DOCK9: variants seen among roughly 807,000 people sequenced by gnomAD.
The protein encoded by DOCK9 is dedicator of cytokinesis protein 9.
Under a neutral mutation model 263.3 loss-of-function variants are expected in DOCK9, and 89 were observed. That is an observed-to-expected ratio of 0.34 (90% CI 0.28 to 0.40). The LOEUF (loss-of-function observed/expected upper bound fraction) is 0.40, where lower values mean the gene tolerates loss of function less well. Ranked by LOEUF, DOCK9 falls within the 10% of genes least tolerant of loss-of-function variation. DOCK9 has a pLI of 1.00. For synonymous variants in DOCK9, 976 were observed against 973.1 expected (o/e 1.00, Z -0.06); for missense variants, 2,140 against 2,603.4 (o/e 0.82, Z 3.87).
chr13:98,899,668 C>T (rs2047978157), intron 13 of DOCK9, among the ~76,000 whole-genome samples: 1 of 152,120 alleles, frequency 6.6e-6, no homozygotes, highest in African/African-American at 2.4e-5. Flanking sequence ...TTTTCAGGTT[C>T]AAGATTTTTT....
chr13:99,063,486 C>G (rs1288527368), intron 1 of DOCK9, among the ~76,000 whole-genome samples: 1 of 152,248 alleles, frequency 6.6e-6, no homozygotes, highest in African/African-American at 2.4e-5. Flanking sequence ...GTCATCAGGG[C>G]TCCCTTTGCC....
chr13:99,038,288 CTTTTTTTTTTTTTTTTTTTTT>C (rs71419743), intron 1 of DOCK9, among the ~76,000 whole-genome samples: 1 of 86,264 alleles, frequency 1.2e-5, no homozygotes, highest in Non-Finnish European at 2.2e-5. Flanking sequence ...TTATGCCCCC[CTTTTTTTTTTTTTTTTTTTTT>C]TTTTTTTTTT....
chr13:99,016,577 A>G (rs796361625), intron 1 of DOCK9, among the ~76,000 whole-genome samples: 4 of 152,126 alleles, frequency 2.6e-5, no homozygotes, highest in African/African-American at 9.6e-5. Context: ...AAGTAATCCA[A>G]CTCCTTCTAC....
chr13:98,829,826 C>T lies in DOCK9; in HGVS notation c.4636-70G>A. The stretch of plus-strand genomic sequence containing the variant: ...ACTGCCCAGGCTGGGCTTCTGCGTT[C>T]AGTTAGGATGTGCCTAAGGACCCAG... On this transcript the variant is annotated intron_variant, in intron 41 of 52. Coordinates refer to ENST00000682017, the MANE Select transcript of DOCK9 (RefSeq NM_001366683.2). This position sits in a 1 kb window ranked among gnomAD's most constrained non-coding sequence, Gnocchi z 4.1. 2.9e-6 allele frequency: 4 copies of T among 1,381,290 alleles called. No individual in the cohort carries two copies. Among genetic ancestry groups the T allele is most frequent in the Non-Finnish European group, 4.0e-6 (4 of 994,506 alleles). The allele number at this position is 1,381,290 out of a possible 1,614,324, so 85.6% of individuals were successfully genotyped here.
rs1292431027 is a variant in DOCK9, at chr13:99,008,230, ATATATT to A, written c.130-52685_130-52680del. 5.9e-3 allele frequency among the ~76,000 whole-genome samples: 672 copies of A among 114,382 alleles called. 7 individuals carry two copies. The highest frequency in any genetic ancestry group is 0.016 in the East Asian group (68 of 4,208). The allele number at this position is 114,382 out of a possible 152,430, so 75.0% of individuals were successfully genotyped here. A position where few individuals can be genotyped will look rare whatever the true frequency, so the allele number is the denominator to read the frequency against. ...TCTCTCTCTATATATATATATATAT[ATATATT>A]TTTTTTTTTTTTTGAGACGAAGTCT... On this transcript the variant is annotated intron_variant, in intron 1 of 32. Transcript: ENST00000427887.
At chr13:98,852,980 G>C (rs961002111) in intron 35 of DOCK9, among the ~76,000 whole-genome samples, 1 of 152,194 alleles carries the variant, frequency 6.6e-6, no homozygotes, top group African/African-American at 2.4e-5. Context: ...GGAATGCTTA[G>C]GTCCCCCCAC....
intron 9 of DOCK9, among the ~76,000 whole-genome samples, chr13:98,912,026 C>T (rs536733639): frequency 4.6e-5 from 7 of 151,486 alleles, no homozygotes; most frequent in South Asian, 2.1e-4. Context: ...CCTGCCACCA[C>T]GCCTAGCTAA....
chr13:99,021,395 T>C (rs1415989305), intron 1 of DOCK9, among the ~76,000 whole-genome samples: 1 of 152,066 alleles, frequency 6.6e-6, no homozygotes, highest in Non-Finnish European at 1.5e-5. Flanking sequence ...ATCCCAGCAC[T>C]TTGGGAGGCC....
intron 2 of DOCK9, among the ~76,000 whole-genome samples, chr13:98,955,109 G>A (rs1412042908): frequency 1.3e-5 from 2 of 152,156 alleles, no homozygotes; most frequent in Non-Finnish European, 2.9e-5. Context: ...CTTAAGGCCA[G>A]GAGTTTGGGA....
chr13:98,925,094 G>T (rs561059058), intron 4 of DOCK9, among the ~76,000 whole-genome samples: 1 of 152,258 alleles, frequency 6.6e-6, no homozygotes, highest in South Asian at 2.1e-4. Flanking sequence ...AACTTGGGAG[G>T]TGGAGGTTGC....
chr13:98,824,348 G>T (rs372595027), intron 45 of DOCK9, 50 bp downstream of exon 45: 4 of 1,546,578 alleles, frequency 2.6e-6, no homozygotes, highest in African/African-American at 1.4e-5. Flanking sequence ...CAAACAGCAG[G>T]CTCCCAGATA....
In DOCK9 at chr13:98,794,515, C is replaced by T; in HGVS notation, c.*111G>A. On this transcript the variant is annotated 3_prime_UTR_variant, in exon 53 of 53. Coordinates refer to ENST00000682017, the MANE Select transcript of DOCK9 (RefSeq NM_001366683.2). ...CGTTGTTCTTTATTTCCTTTCTCTC[C>T]CCTTCCCCTTGGTCCTCCCTGTGCT... 1.7e-6 allele frequency: 2 copies of T among 1,152,958 alleles called. No homozygotes were observed. Among genetic ancestry groups the T allele is most frequent in the Non-Finnish European group, 2.4e-6 (2 of 827,972 alleles). The allele number at this position is 1,152,958 out of a possible 1,614,324, so 71.4% of individuals were successfully genotyped here.
chr13:98,804,098 A>G (rs9557075), intron 49 of DOCK9, among the ~76,000 whole-genome samples: 28,100 of 152,168 alleles, frequency 0.18, 3,521 homozygotes, highest in East Asian at 0.43. Flanking sequence ...GTGTATTATT[A>G]CCCAGACAGA....
chr13:98,920,867 TG>T, intron 7 of DOCK9, 86 bp downstream of exon 7: 2 of 1,313,508 alleles, frequency 1.5e-6, no homozygotes, highest in Non-Finnish European at 2.0e-6. Flanking sequence ...TTGCCATTTT[TG>T]GAAGTGTTTG....
Position 98,989,346 on chromosome 13 carries a change from G to GATAATA in DOCK9, c.130-33801_130-33796dup, listed in dbSNP as rs777442315. Among the ~76,000 whole-genome samples the GATAATA allele has an allele frequency of 5.4e-3, 323 of 60,044 alleles. 2 individuals carry two copies. Among genetic ancestry groups the GATAATA allele is most frequent in the South Asian group, 0.012 (20 of 1,676 alleles). The allele number at this position is 60,044 out of a possible 152,430, so 39.4% of individuals were successfully genotyped here. A position where few individuals can be genotyped will look rare whatever the true frequency, so the allele number is the denominator to read the frequency against. The stretch of plus-strand genomic sequence containing the variant: ...TGATGATGATGATGATGATGATGAT[G>GATAATA]ATAATAATAATAATAATAATAATAA... On this transcript the variant is annotated intron_variant, in intron 1 of 32. Coordinates refer to the DOCK9 transcript ENST00000427887.
chr13:99,032,854 T>C (rs1887491563), intron 1 of DOCK9, among the ~76,000 whole-genome samples: 1 of 152,220 alleles, frequency 6.6e-6, no homozygotes, highest in African/African-American at 2.4e-5. Context: ...ATTTAGCAGA[T>C]GTGTATTTAA....
At chr13:99,026,754 A>T (rs1886775112) in intron 1 of DOCK9, among the ~76,000 whole-genome samples, 1 of 152,156 alleles carries the variant, frequency 6.6e-6, no homozygotes, top group Non-Finnish European at 1.5e-5. Flanking sequence ...GGATGGAAAA[A>T]GGTTAACAGG....
At chr13:99,083,875 C>A (rs1331660451) in intron 1 of DOCK9, among the ~76,000 whole-genome samples, 1 of 152,110 alleles carries the variant, frequency 6.6e-6, no homozygotes, top group African/African-American at 2.4e-5. Context: ...ACTAAACCCA[C>A]ACATAGTTTA....
Position 98,837,562 on chromosome 13 carries a change from C to T in DOCK9, c.4246G>A (p.Ala1416Thr), listed in dbSNP as rs1218014892. The T allele has an allele frequency of 6.2e-7, 1 of 1,613,660 alleles. No individual in the cohort carries two copies. The highest frequency in any genetic ancestry group is 1.1e-5 in the South Asian group (1 of 91,054). Residue 1416 changes from alanine (A) to threonine (T), a missense_variant, in exon 39 of 53, where the codon GCC (alanine) becomes ACC (threonine). This residue lies in a region of DOCK9 where 1,521 missense variants were observed against 1,741.7 expected (regional missense o/e 0.87). Transcript: ENST00000682017. ...ADVLHQSLLE[A>T]NIATEVCLTA... is the part of the protein sequence containing the mutation. ...AGGCAAACCTCAGTAGCAATGTTGG[C>T]TTCAAGTAATGACTGGTGCAGAACA...
Sources: allele counts gnomAD v4.1 joint callset (sites outside exome capture counted in the v4.1 genomes callset), GRCh38; gene constraint gnomAD v4.1.1; regional missense constraint gnomAD v4.1.1; non-coding constraint Gnocchi (gnomAD v3.1); transcripts MANE v1.5; gene names NCBI Gene and HGNC (gene_info 2026-07-23, HGNC 2026-07-21).